Variants in ARHGAP10 observed in about 807,000 individuals in gnomAD.
ARHGAP10 encodes the protein Rho GTPase activating protein 10, also known as rho GTPase-activating protein 10.
Under a neutral mutation model 108.6 loss-of-function variants are expected in ARHGAP10, and 87 were observed. The ratio of observed to expected loss-of-function variants is 0.80; its 90% confidence interval spans 0.67 to 0.96. The LOEUF (loss-of-function observed/expected upper bound fraction) is 0.96. ARHGAP10 is among the 40% of genes least tolerant of loss of function. The pLI is 0.00. For synonymous variants in ARHGAP10, 347 were observed against 341.1 expected (o/e 1.02, Z -0.19); for missense variants, 939 against 954.5 (o/e 0.98, Z 0.21).
chr4:147,793,307 T>C (rs113261202), intron 1 of ARHGAP10, among the ~76,000 whole-genome samples: 1,825 of 105,336 alleles, frequency 0.017, 37 homozygotes, highest in African/African-American at 0.053. Context: ...AACACACACA[T>C]ATATATATAT....
At chr4:147,740,250 G>A (rs1560733043) in intron 1 of ARHGAP10, among the ~76,000 whole-genome samples, 2 of 151,968 alleles carry the variant, frequency 1.3e-5, no homozygotes, top group African/African-American at 4.8e-5. Flanking sequence ...TAGAGATGGA[G>A]TTTCACCATG....
At chr4:147,949,972 C>G (rs1278723195) in intron 15 of ARHGAP10, among the ~76,000 whole-genome samples, 1 of 152,102 alleles carries the variant, frequency 6.6e-6, no homozygotes, top group Non-Finnish European at 1.5e-5. Context: ...AAGCTGGTTC[C>G]TTATTGCCCC....
At chr4:147,953,999 G>A (rs1425479247) in intron 15 of ARHGAP10, among the ~76,000 whole-genome samples, 1 of 151,868 alleles carries the variant, frequency 6.6e-6, no homozygotes, top group African/African-American at 2.4e-5. Flanking sequence ...TTCTCTTTGA[G>A]TTTTCCAGAT....
chr4:148,060,772 C>G (rs974177881), intron 20 of ARHGAP10, among the ~76,000 whole-genome samples: 1 of 152,140 alleles, frequency 6.6e-6, no homozygotes, highest in South Asian at 2.1e-4. Flanking sequence ...AAATCACATG[C>G]AGAAACTTAA....
At chr4:147,898,013 C>T (rs1307998313) in intron 10 of ARHGAP10, among the ~76,000 whole-genome samples, 1 of 152,088 alleles carries the variant, frequency 6.6e-6, no homozygotes, top group African/African-American at 2.4e-5. Flanking sequence ...GCCACCACGC[C>T]TGGCTAATTT....
intron 18 of ARHGAP10, among the ~76,000 whole-genome samples, chr4:148,009,281 A>T (rs972488929): frequency 6.6e-6 from 1 of 151,952 alleles, no homozygotes; most frequent in African/African-American, 2.4e-5. Context: ...ACAGGTGCAC[A>T]CCACCATGCT....
At chr4:147,734,976 G>T (rs1728360799) in intron 1 of ARHGAP10, among the ~76,000 whole-genome samples, 3 of 152,088 alleles carry the variant, frequency 2.0e-5, no homozygotes, top group Non-Finnish European at 4.4e-5. Context: ...ATTTTTAATT[G>T]CCCTGCACGG....
rs1262241542 is a variant in ARHGAP10 at position 147,914,565 on chromosome 4, C to G, written c.1228+1426C>G. Among the ~76,000 whole-genome samples, 432 of 110,808 alleles carry G rather than the reference C, an allele frequency of 3.9e-3. 7 individuals are homozygous for G. Among genetic ancestry groups the G allele is most frequent in the African/African-American group, 6.3e-3 (193 of 30,484 alleles). The allele number at this position is 110,808 out of a possible 152,430, so 72.7% of individuals were successfully genotyped here. On this transcript the variant is annotated intron_variant, in intron 13 of 22. Transcript: ENST00000336498. ...TACGCATGTTCTGCGCTCCCCCCCCCCCCTTTTTTTTTTTAACATCTTCAG... is the reference window on the plus strand; with the variant it reads ...TACGCATGTTCTGCGCTCCCCCCCCGCCCTTTTTTTTTTTAACATCTTCAG...
intron 19 of ARHGAP10, among the ~76,000 whole-genome samples, chr4:148,037,985 G>A (rs1026923360): frequency 2.6e-5 from 4 of 152,004 alleles, no homozygotes; most frequent in African/African-American, 9.7e-5. Context: ...GGTCACCTCT[G>A]GATTCATTGT....
At chr4:147,805,324 A>G (rs1357775147) in intron 1 of ARHGAP10, among the ~76,000 whole-genome samples, 2 of 151,876 alleles carry the variant, frequency 1.3e-5, no homozygotes, top group African/African-American at 4.8e-5. Context: ...ATTCTGTTCC[A>G]TTTGTCTGTG....
At chr4:148,023,164 A>G (rs1299906539) in intron 18 of ARHGAP10, 99 bp from the exon 19 acceptor site, 100 of 1,436,890 alleles carry the variant, frequency 7.0e-5, no homozygotes, top group Non-Finnish European at 9.1e-5. Context: ...CCTGTCTTGA[A>G]TGAACTCCAA....
intron 15 of ARHGAP10, among the ~76,000 whole-genome samples, chr4:147,954,866 T>C (rs1251277896): frequency 6.6e-6 from 1 of 152,066 alleles, no homozygotes; most frequent in Non-Finnish European, 1.5e-5. Context: ...TTATAATATA[T>C]TTAATCAGAG....
Position 147,920,742 on chromosome 4 carries a change from A to C in ARHGAP10, c.1228+7603A>C, listed in dbSNP as rs547715562. 1.3e-3 allele frequency among the ~76,000 whole-genome samples: 202 copies of C among 152,356 alleles called. 2 individuals are homozygous for C. Among genetic ancestry groups the C allele is most frequent in the African/African-American group, 4.6e-3 (193 of 41,582 alleles). The stretch of plus-strand genomic sequence containing the variant: ...TTGCAAATTTGCACCGATTAAGAGA[A>C]TATGAGTGCATGTTGAAGGATTGGG... On this transcript the variant is annotated intron_variant, in intron 13 of 22. Transcript: ENST00000336498.
At chr4:147,954,783 G>A (rs1249208611) in intron 15 of ARHGAP10, among the ~76,000 whole-genome samples, 14 of 151,920 alleles carry the variant, frequency 9.2e-5, no homozygotes, top group Admixed American at 9.2e-4. Context: ...TGAAAATGCT[G>A]TGTATATTTT....
chr4:147,836,360 C>T (rs1189062468), intron 3 of ARHGAP10, among the ~76,000 whole-genome samples: 1 of 152,094 alleles, frequency 6.6e-6, no homozygotes, highest in Non-Finnish European at 1.5e-5. Context: ...TCAAGTTTTT[C>T]ACAGTTCAGG....
At chr4:147,999,126 T>A (rs1740593292) in intron 18 of ARHGAP10, among the ~76,000 whole-genome samples, 1 of 152,186 alleles carries the variant, frequency 6.6e-6, no homozygotes, top group African/African-American at 2.4e-5. Flanking sequence ...GCTGGGAAGG[T>A]GAGGGCATTG....
intron 1 of ARHGAP10, among the ~76,000 whole-genome samples, chr4:147,737,497 G>A (rs962622788): frequency 6.6e-6 from 1 of 152,050 alleles, no homozygotes; most frequent in Non-Finnish European, 1.5e-5. Flanking sequence ...TGTAAATTTT[G>A]TGATTATGCT....
intron 3 of ARHGAP10, among the ~76,000 whole-genome samples, chr4:147,846,593 G>A (rs1393418498): frequency 1.3e-5 from 2 of 152,134 alleles, no homozygotes; most frequent in African/African-American, 4.8e-5. Context: ...GAGCTTCCCT[G>A]ATGTCATGTT....
intron 1 of ARHGAP10, among the ~76,000 whole-genome samples, chr4:147,816,205 G>A (rs1732240101): frequency 6.6e-6 from 1 of 152,160 alleles, no homozygotes; most frequent in South Asian, 2.1e-4. Context: ...AGCATTTGTG[G>A]AATGTTTAGG....
Sources: allele counts gnomAD v4.1 joint callset (sites outside exome capture counted in the v4.1 genomes callset), GRCh38; gene constraint gnomAD v4.1.1; transcripts MANE v1.5; gene names NCBI Gene and HGNC (gene_info 2026-07-23, HGNC 2026-07-21).